ALKBH3: variants seen among roughly 807,000 people sequenced by gnomAD.
ALKBH3 encodes the protein alkB homolog 3, alpha-ketoglutarate dependent dioxygenase.
In ALKBH3, 51 loss-of-function variants were observed where a neutral mutation model predicts 43.9. The ratio of observed to expected loss-of-function variants is 1.16; its 90% CI spans 0.93 to 1.47. The LOEUF is 1.47. Ranked by LOEUF, ALKBH3 falls within the 40% of genes most tolerant of loss-of-function variation. ALKBH3 has a pLI of 0.00. For synonymous variants in ALKBH3, 102 were observed against 115.2 expected, an observed-to-expected ratio of 0.89 and a Z score of 0.73; for missense variants, 361 against 351.9, an observed-to-expected ratio of 1.03 and a Z score of -0.21.
At chr11:43,913,697 G>A (rs1008004058) in intron 8 of ALKBH3, among the ~76,000 whole-genome samples, 7 of 152,226 alleles carry the variant, frequency 4.6e-5, no homozygotes, top group Non-Finnish European at 7.3e-5. Context: ...GATGCAAGAA[G>A]CACATCAGAT....
intron 8 of ALKBH3, among the ~76,000 whole-genome samples, chr11:43,911,099 A>G (rs1292828363): frequency 3.9e-5 from 6 of 152,206 alleles, no homozygotes; most frequent in Non-Finnish European, 5.9e-5. Context: ...CTGAATTTTT[A>G]TTTTAGAAGA....
chr11:43,893,294 G>A (rs1304368807), intron 7 of ALKBH3, among the ~76,000 whole-genome samples: 1 of 152,152 alleles, frequency 6.6e-6, no homozygotes, highest in Admixed American at 6.5e-5. Context: ...CCTGTTAGAT[G>A]TCAGTGGCAC....
At chr11:43,907,869 T>C (rs1348886444) in intron 8 of ALKBH3, among the ~76,000 whole-genome samples, 1 of 152,040 alleles carries the variant, frequency 6.6e-6, no homozygotes, top group Admixed American at 6.5e-5. Flanking sequence ...AGCAGAAGAG[T>C]GACACGGTCT....
At chr11:43,889,187 C>A (rs866885463) in intron 5 of ALKBH3, among the ~76,000 whole-genome samples, 2 of 152,272 alleles carry the variant, frequency 1.3e-5, no homozygotes, top group South Asian at 4.1e-4. Flanking sequence ...GCCACCACGC[C>A]CAGCTGATTT....
chr11:43,900,441 C>G (rs961694955), intron 7 of ALKBH3, among the ~76,000 whole-genome samples: 7 of 151,978 alleles, frequency 4.6e-5, no homozygotes, highest in Admixed American at 4.6e-4. Flanking sequence ...CCAGGCTGGT[C>G]TTGAACTCCC....
intron 7 of ALKBH3, among the ~76,000 whole-genome samples, chr11:43,896,123 C>T (rs1293853528): frequency 6.6e-6 from 1 of 152,056 alleles, no homozygotes; most frequent in African/African-American, 2.4e-5. Flanking sequence ...AAATGAGTGA[C>T]GTGAATGTCA....
At chr11:43,906,932 C>G (rs1590377544) in intron 8 of ALKBH3, among the ~76,000 whole-genome samples, 1 of 152,178 alleles carries the variant, frequency 6.6e-6, no homozygotes, top group Non-Finnish European at 1.5e-5. Flanking sequence ...AACAAGTTTT[C>G]CCATGAAAGT....
chr11:43,885,497 A>G (rs1951740730), intron 4 of ALKBH3, among the ~76,000 whole-genome samples: 1 of 152,236 alleles, frequency 6.6e-6, no homozygotes, highest in African/African-American at 2.4e-5. Flanking sequence ...CTCCCATGAC[A>G]GAAGGTGATG....
intron 2 of ALKBH3, 79 bp from the exon 3 acceptor site, chr11:43,883,006 C>G (rs1951722282): frequency 8.6e-7 from 1 of 1,156,982 alleles, no homozygotes; most frequent in Non-Finnish European, 1.3e-6. Flanking sequence ...TCCAAGTGGG[C>G]TTTATTGGCC....
chr11:43,885,178 C>T (rs916738447), intron 4 of ALKBH3, among the ~76,000 whole-genome samples: 1 of 152,068 alleles, frequency 6.6e-6, no homozygotes. Flanking sequence ...AGGCAATTGT[C>T]GGAGAAAAAT....
chr11:43,915,614 A>G (rs1324544935), intron 8 of ALKBH3, among the ~76,000 whole-genome samples: 1 of 152,100 alleles, frequency 6.6e-6, no homozygotes. Context: ...TACTAGCATA[A>G]TGCCTGATAT....
At chr11:43,918,704 T>C (rs35767690) in intron 8 of ALKBH3, 6,188 of 192,810 alleles carry the variant, frequency 0.032, 229 homozygotes, top group African/African-American at 0.099. Flanking sequence ...CAGAATGGGC[T>C]TTTCTGCATT....
intron 8 of ALKBH3, among the ~76,000 whole-genome samples, chr11:43,904,062 T>C (rs1951880229): frequency 6.6e-6 from 1 of 152,194 alleles, no homozygotes; most frequent in Non-Finnish European, 1.5e-5. Flanking sequence ...GAACAGCGCT[T>C]TATCCTGCCG....
At chr11:43,913,120 AAAC>A (rs1362984863) in intron 8 of ALKBH3, among the ~76,000 whole-genome samples, 1 of 152,148 alleles carries the variant, frequency 6.6e-6, no homozygotes, top group Non-Finnish European at 1.5e-5. Context: ...AAAAAAAAAA[AAAC>A]AAGTACAGGC....
rs147865754 is a variant in ALKBH3, at chr11:43,883,167, T to C, written c.162T>C (p.Phe54=). The C allele has an allele frequency of 3.7e-6, 6 of 1,613,714 alleles. No homozygotes were observed. The highest frequency in any genetic ancestry group is 1.3e-5 in the African/African-American group (1 of 74,926). ...AGCATCATCTCTCTGACAGAGAGTT[T>C]GTGTTCAAAGAACCTCAGCAGGTAA... ...NKEHHLSDRE[F]VFKEPQQVVR... Residue 54 remains phenylalanine (F), a synonymous_variant, in exon 3 of 10, where the codon TTT becomes TTC. Coordinates refer to ENST00000302708, the MANE Select transcript of ALKBH3 (RefSeq NM_139178.4).
At chr11:43,883,621 T>C (rs918346098) in intron 3 of ALKBH3, among the ~76,000 whole-genome samples, 17 of 152,212 alleles carry the variant, frequency 1.1e-4, no homozygotes, top group Non-Finnish European at 1.8e-4. Context: ...TTTTTAATAA[T>C]GTGGAAAAGT....
intron 8 of ALKBH3, among the ~76,000 whole-genome samples, chr11:43,915,724 T>C (rs943787016): frequency 6.6e-6 from 1 of 152,172 alleles, no homozygotes; most frequent in African/African-American, 2.4e-5. Context: ...TTTAAAGATA[T>C]AGAAAAATGC....
Position 43,900,599 on chromosome 11 carries a change from G to A in ALKBH3, c.460-917G>A, listed in dbSNP as rs372043766. Among the ~76,000 whole-genome samples the A allele has an allele frequency of 3.1e-4, 47 of 152,100 alleles. 1 individual carries two copies. The East Asian group carries it at 5.4e-3, about 17-fold the overall frequency. Reference sequence around the variant, plus strand: ...AATTTTAAATATCATAAAAACTGACGGCTGTAACCCATATAAACAAAAGTT... The same window carrying A: ...AATTTTAAATATCATAAAAACTGACAGCTGTAACCCATATAAACAAAAGTT... On this transcript the variant is annotated intron_variant, in intron 7 of 9. Transcript: ENST00000302708.
chr11:43,909,273 ACT>A (rs1298558413), intron 8 of ALKBH3: 1 of 152,112 alleles, frequency 6.6e-6, no homozygotes, highest in African/African-American at 2.4e-5. Flanking sequence ...CAGCAGAATA[ACT>A]CTGCAAAGAT....
Sources: gnomAD v4.1 joint callset for allele counts (sites outside exome capture counted in the v4.1 genomes callset) on GRCh38, gnomAD v4.1.1 for gene constraint, MANE v1.5 for transcripts, NCBI Gene and HGNC (gene_info 2026-07-23, HGNC 2026-07-21) for gene names.